ABCC4: variants seen among roughly 807,000 people sequenced by gnomAD.
ABCC4 encodes the protein ATP-binding cassette sub-family C member 4.
In ABCC4, 102 loss-of-function variants were observed where a neutral mutation model predicts 168.5. The observed-to-expected ratio is 0.61, with a 90% CI of 0.52 to 0.71. The LOEUF is 0.71. Among genes scored for constraint, ABCC4 ranks in the 30% least tolerant of loss-of-function variants. ABCC4 has a pLI of 0.00. For synonymous variants in ABCC4, 617 were observed against 590.7 expected, an observed-to-expected ratio of 1.04 and a Z score of -0.65; for missense variants, 1,402 against 1,605.8, an observed-to-expected ratio of 0.87 and a Z score of 2.17.
At chr13:95,025,266 CA>C (rs1759687931) in intron 30 of ABCC4, among the ~76,000 whole-genome samples, 1 of 48,564 alleles carries the variant, frequency 2.1e-5, no homozygotes, top group African/African-American at 1.2e-4. Context: ...CACACACCCC[CA>C]CACCCCCACA....
intron 19 of ABCC4, among the ~76,000 whole-genome samples, chr13:95,160,171 A>G (rs2037045827): frequency 6.6e-6 from 1 of 152,232 alleles, no homozygotes; most frequent in South Asian, 2.1e-4. Context: ...AGTTAGCTTG[A>G]GTTCACACTT....
At chr13:95,202,290 G>A (rs563631863) in intron 8 of ABCC4, among the ~76,000 whole-genome samples, 3 of 152,284 alleles carry the variant, frequency 2.0e-5, no homozygotes, top group African/African-American at 4.8e-5. Context: ...GCAGACTTAC[G>A]TCACCTCCAA....
intron 25 of ABCC4, among the ~76,000 whole-genome samples, chr13:95,064,877 C>A (rs2033471542): frequency 6.6e-6 from 1 of 152,122 alleles, no homozygotes; most frequent in Non-Finnish European, 1.5e-5. Context: ...TGGGTTTCAC[C>A]AAATCCTCTG....
intron 19 of ABCC4, among the ~76,000 whole-genome samples, chr13:95,151,344 A>G (rs1436684822): frequency 1.3e-5 from 2 of 151,980 alleles, no homozygotes; most frequent in Non-Finnish European, 2.9e-5. Context: ...GTGTGGTGGC[A>G]TATGCCTGTA....
At chr13:95,087,204 T>C (rs2034285742) in intron 20 of ABCC4, among the ~76,000 whole-genome samples, 1 of 152,088 alleles carries the variant, frequency 6.6e-6, no homozygotes, top group Non-Finnish European at 1.5e-5. Flanking sequence ...CACATGAGAC[T>C]AAAACAAAAA....
At chr13:95,070,664 C>T (rs1473032897) in intron 25 of ABCC4, among the ~76,000 whole-genome samples, 3 of 152,096 alleles carry the variant, frequency 2.0e-5, no homozygotes, top group Non-Finnish European at 4.4e-5. Flanking sequence ...TTTCTGAGCA[C>T]TGATGGGGTC....
At chr13:95,296,670 C>T (rs1013807018) in intron 1 of ABCC4, among the ~76,000 whole-genome samples, 1 of 152,178 alleles carries the variant, frequency 6.6e-6, no homozygotes, top group African/African-American at 2.4e-5. Context: ...TGTTAGCCTC[C>T]ACCCTGCTGC....
chr13:95,282,426 G>C (rs2041148484), intron 1 of ABCC4, among the ~76,000 whole-genome samples: 1 of 152,174 alleles, frequency 6.6e-6, no homozygotes, highest in South Asian at 2.1e-4. Flanking sequence ...AGGTCTCAAA[G>C]CACTTTGTTT....
chr13:95,269,425 CAAA>C (rs757748531), intron 1 of ABCC4: 1 of 174,676 alleles, frequency 5.7e-6, no homozygotes, highest in East Asian at 1.3e-4. Flanking sequence ...GACTCCATCT[CAAA>C]AAAAAAATAT....
intron 19 of ABCC4, among the ~76,000 whole-genome samples, chr13:95,119,547 CTT>C (rs1270922979): frequency 6.6e-6 from 1 of 152,128 alleles, no homozygotes; most frequent in Non-Finnish European, 1.5e-5. Context: ...TGTTAATGAA[CTT>C]TTTGTCAAAA....
chr13:95,030,113 T>G (rs7322684), intron 30 of ABCC4, among the ~76,000 whole-genome samples: 118,437 of 151,992 alleles, frequency 0.78, 46,567 homozygotes, highest in African/African-American at 0.86. Flanking sequence ...CTCCATCTCC[T>G]GGGTTCAAGT....
intron 20 of ABCC4, among the ~76,000 whole-genome samples, chr13:95,085,104 A>G (rs2034214879): frequency 6.6e-6 from 1 of 152,180 alleles, no homozygotes; most frequent in Non-Finnish European, 1.5e-5. Context: ...TGTCTTACAT[A>G]AAAGTACATG....
At chr13:95,033,692 C>T (rs915177585) in intron 30 of ABCC4, among the ~76,000 whole-genome samples, 181 of 138,402 alleles carry the variant, frequency 1.3e-3, no homozygotes, top group African/African-American at 4.6e-3. Context: ...GACGGAGTTT[C>T]GCTCTTACTG....
intron 30 of ABCC4, among the ~76,000 whole-genome samples, chr13:95,032,073 C>T (rs1016141087): frequency 6.6e-6 from 1 of 152,080 alleles, no homozygotes; most frequent in Non-Finnish European, 1.5e-5. Flanking sequence ...CTGGGAGACA[C>T]GCTAGAAGAT....
At chr13:95,176,519 T>A (rs1318919997) in intron 13 of ABCC4, among the ~76,000 whole-genome samples, 1 of 151,996 alleles carries the variant, frequency 6.6e-6, no homozygotes, top group African/African-American at 2.4e-5. Flanking sequence ...ATAAAATAGA[T>A]TGTCCTATAT....
intron 29 of ABCC4, among the ~76,000 whole-genome samples, chr13:95,037,934 C>T (rs781532441): frequency 4.9e-4 from 74 of 151,700 alleles, no homozygotes; most frequent in Non-Finnish European, 6.5e-4. Context: ...GGTGTGGTCT[C>T]GGTTCACTGC....
At chr13:95,081,341 G>T (rs1377065209) in intron 21 of ABCC4, among the ~76,000 whole-genome samples, 13 of 152,288 alleles carry the variant, frequency 8.5e-5, no homozygotes, top group African/African-American at 3.1e-4. Context: ...TTCTGGAACG[G>T]CTGCTTCCTT....
chr13:95,179,279 T>C (rs534922080), intron 11 of ABCC4, among the ~76,000 whole-genome samples: 1 of 152,048 alleles, frequency 6.6e-6, no homozygotes, highest in African/African-American at 2.4e-5. Context: ...GGCATCACAA[T>C]AGACTGACAG....
intron 20 of ABCC4, among the ~76,000 whole-genome samples, chr13:95,090,088 G>A (rs1215158252): frequency 1.3e-5 from 2 of 152,100 alleles, no homozygotes; most frequent in Non-Finnish European, 2.9e-5. Context: ...CAGGACCTAG[G>A]AGACACCCCA....
Sources: gnomAD v4.1 joint callset for allele counts (sites outside exome capture counted in the v4.1 genomes callset) on GRCh38, gnomAD v4.1.1 for gene constraint, MANE v1.5 for transcripts, NCBI Gene and HGNC (gene_info 2026-07-23, HGNC 2026-07-21) for gene names.